TPX2: variants seen among roughly 807,000 people sequenced by gnomAD.
TPX2 encodes the protein targeting protein for Xklp2.
A neutral mutation model predicts 93.6 loss-of-function variants in TPX2; 21 were observed. The observed-to-expected ratio is 0.22, with a 90% CI of 0.16 to 0.32. The LOEUF (loss-of-function observed/expected upper bound fraction) is 0.32, where lower values mean the gene tolerates loss of function less well. Ranked by LOEUF, TPX2 falls within the 10% of genes least tolerant of loss-of-function variation. The pLI is 1.00. For synonymous variants in TPX2, 281 were observed against 298.3 expected (o/e 0.94, Z 0.60); for missense variants, 776 against 871.1 (o/e 0.89, Z 1.37).
chr20:31,783,952 G>T, intron 12 of TPX2, 31 bp downstream of exon 12: 1 of 1,609,130 alleles, frequency 6.2e-7, no homozygotes, highest in Non-Finnish European at 8.5e-7. Context: ...GCTGGCAGAA[G>T]TGTACTGCTC....
At chr20:31,769,318 CTT>C (rs143158722) in intron 5 of TPX2, among the ~76,000 whole-genome samples, 1,422 of 121,808 alleles carry the variant, frequency 0.012, 26 homozygotes, top group African/African-American at 0.041. Context: ...AATGATCACG[CTT>C]TTTTTTTTTT....
chr20:31,773,232 A>G (rs1057436606), intron 7 of TPX2, among the ~76,000 whole-genome samples: 2 of 149,782 alleles, frequency 1.3e-5, no homozygotes, highest in Non-Finnish European at 3.0e-5. Context: ...GCTCACTGCA[A>G]CCTCTGCCTC....
chr20:31,741,808 T>C (rs558141727), intron 1 of TPX2, among the ~76,000 whole-genome samples: 17 of 151,896 alleles, frequency 1.1e-4, no homozygotes, highest in Admixed American at 4.6e-4. Context: ...AGATACAGGG[T>C]TTCACCACGT....
chr20:31,772,205 G>A (rs946914609), intron 7 of TPX2, among the ~76,000 whole-genome samples: 4 of 152,032 alleles, frequency 2.6e-5, no homozygotes, highest in Non-Finnish European at 5.9e-5. Context: ...ATTTTTAGTA[G>A]AGATGGGGTT....
chr20:31,744,594 G>A (rs1186384481), intron 2 of TPX2, among the ~76,000 whole-genome samples: 3 of 151,928 alleles, frequency 2.0e-5, no homozygotes, highest in Non-Finnish European at 2.9e-5. Flanking sequence ...CTTCAGTGGC[G>A]TGATCACAGC....
At chr20:31,766,795 C>CTTTTTTTTTT (rs11299452) in intron 5 of TPX2, 113 bp downstream of exon 5, 4 of 450,880 alleles carry the variant, frequency 8.9e-6, no homozygotes, top group Non-Finnish European at 1.2e-5. Context: ...CTTTATGTTA[C>CTTTTTTTTTT]TTTTTTTTTT....
intron 8 of TPX2, among the ~76,000 whole-genome samples, chr20:31,776,268 G>C (rs2061999096): frequency 6.6e-6 from 1 of 151,124 alleles, no homozygotes; most frequent in South Asian, 2.1e-4. Flanking sequence ...TTTTAGTAGA[G>C]ACGGGGTTTC....
At chr20:31,781,258 T>A (rs2062031731) in intron 10 of TPX2, among the ~76,000 whole-genome samples, 1 of 144,998 alleles carries the variant, frequency 6.9e-6, no homozygotes, top group Non-Finnish European at 1.5e-5. Flanking sequence ...TATATCTTTT[T>A]TTTTTTTTTT....
intron 5 of TPX2, among the ~76,000 whole-genome samples, chr20:31,768,317 C>A (rs978857988): frequency 1.1e-4 from 16 of 151,628 alleles, no homozygotes; most frequent in African/African-American, 3.9e-4. Context: ...CTCACTGCAA[C>A]CTCCGCCTCC....
chr20:31,786,168 G>A (rs2062064565), intron 12 of TPX2, among the ~76,000 whole-genome samples: 1 of 151,976 alleles, frequency 6.6e-6, no homozygotes, highest in African/African-American at 2.4e-5. Flanking sequence ...TTACAGTTAG[G>A]AAACATAGAG....
intron 5 of TPX2, 117 bp from the exon 6 acceptor site, chr20:31,770,226 A>G (rs1414179062): frequency 6.4e-6 from 4 of 625,396 alleles, no homozygotes; most frequent in East Asian, 7.3e-5. Flanking sequence ...GAGCAGAGAT[A>G]ATAGCACTCC....
Position 31,766,632 on chromosome 20 carries a change from C to A in TPX2, c.306C>A (p.Ser102=). The change falls in exon 5 of 18, where the codon TCC becomes TCA. Residue 102 remains serine, a synonymous_variant. Coordinates refer to ENST00000300403, the MANE Select transcript of TPX2 (RefSeq NM_012112.5). ...EQSIPSNACS[S]LEVEAAISRK... The stretch of plus-strand genomic sequence containing the variant: ...CCATTCCGTCAAATGCTTGTTCTTC[C>A]CTGGAAGTTGAGGCAGCCATATCAA... 1 of 1,613,688 alleles carries A rather than the reference C, an allele frequency of 6.2e-7. No homozygotes were observed. Among genetic ancestry groups the A allele is most frequent in the Non-Finnish European group, 8.5e-7 (1 of 1,179,926 alleles).
chr20:31,797,014 G>A (rs1195951683), intron 15 of TPX2, among the ~76,000 whole-genome samples: 1 of 149,624 alleles, frequency 6.7e-6, no homozygotes, highest in Non-Finnish European at 1.5e-5. Flanking sequence ...TAATTTAAAA[G>A]TAAACTTTAG....
rs1290373356 is a variant in TPX2, at chr20:31,782,927, CACACAA to C, written c.1196+539_1196+544del. On this transcript the variant is annotated intron_variant, in intron 11 of 17. Coordinates refer to ENST00000300403, the MANE Select transcript of TPX2 (RefSeq NM_012112.5). ...ACACACACACACACACACACACACA[CACACAA>C]AATCTAATCCAGAGGTTGCAGTAGA... Among the ~76,000 whole-genome samples the C allele has an allele frequency of 3.6e-5, 5 of 137,008 alleles. No individual in the cohort carries two copies. The East Asian group carries it at 6.5e-4, about 18-fold the overall frequency. 89.9% of individuals were successfully genotyped at this position (137,008 alleles called of 152,430 possible).
At chr20:31,754,440 C>T (rs1037500915) in intron 2 of TPX2, among the ~76,000 whole-genome samples, 3 of 152,150 alleles carry the variant, frequency 2.0e-5, no homozygotes, top group Non-Finnish European at 4.4e-5. Flanking sequence ...CTGGCCAAAC[C>T]ACTGAACGGC....
At chr20:31,785,535 T>C (rs1042291461) in intron 12 of TPX2, among the ~76,000 whole-genome samples, 2 of 152,000 alleles carry the variant, frequency 1.3e-5, no homozygotes, top group African/African-American at 2.4e-5. Flanking sequence ...TTAGCTCTTG[T>C]TGCCCAGGCT....
intron 7 of TPX2, among the ~76,000 whole-genome samples, chr20:31,772,928 A>T: frequency 6.8e-6 from 1 of 147,920 alleles, no homozygotes; most frequent in African/African-American, 2.5e-5. Context: ...TTTATTGCCA[A>T]TTTTACTTCT....
In TPX2 at chr20:31,775,872, A is replaced by T; in HGVS notation, c.614A>T (p.Lys205Met). The change falls in exon 8 of 18, where the codon AAG becomes ATG. Residue 205 changes from lysine to methionine, a missense_variant. Around this residue, in one of 3 missense-constraint regions of TPX2, gnomAD observed 279 missense variants for 261.6 expected, o/e 1.07. Transcript: ENST00000300403. The stretch of plus-strand genomic sequence containing the variant: ...TTTACTGATTTTCTCTTTAGGCAGA[A>T]GTTTCTAAAAAGTACTGAGGAGCAA... ...TVPCMPPAKQKFLKSTEEQEL... is the reference protein window; with the variant it reads ...TVPCMPPAKQMFLKSTEEQEL... 6.4e-7 allele frequency: 1 copy of T among 1,568,702 alleles called. No homozygotes were observed. Among genetic ancestry groups the T allele is most frequent in the Non-Finnish European group, 8.6e-7 (1 of 1,157,598 alleles).
chr20:31,761,613 A>T (rs1051615196), intron 4 of TPX2, among the ~76,000 whole-genome samples: 2 of 152,126 alleles, frequency 1.3e-5, no homozygotes, highest in African/African-American at 4.8e-5. Context: ...ATAGTATTCC[A>T]TTGTATATAT....
Sources: gnomAD v4.1 joint callset for allele counts (sites outside exome capture counted in the v4.1 genomes callset) on GRCh38, gnomAD v4.1.1 for gene constraint, gnomAD v4.1.1 regional missense constraint, MANE v1.5 for transcripts, NCBI Gene and HGNC (gene_info 2026-07-23, HGNC 2026-07-21) for gene names.